H2AC7: variants seen among roughly 807,000 people sequenced by gnomAD.
H2AC7 encodes the protein H2A clustered histone 7.
In H2AC7, 15 loss-of-function variants were observed where a neutral mutation model predicts 8.3. The ratio of observed to expected loss-of-function variants is 1.81; its 90% CI spans 1.21 to 2.79. H2AC7 has a LOEUF of 2.79. H2AC7 is among the 30% of genes most tolerant of loss of function. The probability of loss-of-function intolerance (pLI) is 0.00; values close to 1 mark genes in which losing one functional copy is unlikely to be tolerated. For synonymous variants in H2AC7, 168 were observed against 80.1 expected (o/e 2.10, Z -5.86); for missense variants, 283 against 175.2 (o/e 1.62, Z -3.47).
chr6:26,199,181 C>T lies in H2AC7; in HGVS notation c.63G>A (p.Arg21=), dbSNP rs758098633. Residue 21 remains arginine, a synonymous_variant, in exon 1 of 1, where the codon CGG becomes CGA. Coordinates refer to ENST00000341023, the MANE Select transcript of H2AC7 (RefSeq NM_021065.3). ...ARAKAKTRSS[R]AGLQFPVGRV... is the part of the protein sequence containing the mutation. ...GGCCCACAGGGAACTGGAGTCCGGC[C>T]CGCGAAGAGCGGGTCTTAGCCTTAG... 6 of 1,613,948 alleles carry T rather than the reference C, an allele frequency of 3.7e-6. No homozygotes were observed. Among genetic ancestry groups the T allele is most frequent in the African/African-American group, 1.3e-5 (1 of 74,946 alleles).
At position 26,198,888 on chromosome 6, in the gene H2AC7, T is replaced by C. The variant is rs751780330; in HGVS notation, c.356A>G (p.Lys119Arg). Residue 119 changes from lysine to arginine, a missense_variant, in exon 1 of 1, where the codon AAG becomes AGG. By Grantham distance (26) the Lys-to-Arg change is conservative (BLOSUM62 2). Transcript: ENST00000341023. Reference protein sequence around the residue: ...LPNIQAVLLPKKTESHHKAKG... With the variant: ...LPNIQAVLLPRKTESHHKAKG... ...GGCCTTGTGGTGACTCTCAGTCTTC[T>C]TGGGGAGCAGTACAGCCTGGATGTT... is the stretch of plus-strand genomic sequence containing the variant. The C allele has an allele frequency of 4.3e-6, 7 of 1,614,246 alleles. No individual in the cohort carries two copies. In the South Asian group the frequency reaches 5.5e-5, roughly 13 times the overall value.
rs148962857 is a variant in H2AC7 at position 26,199,073 on chromosome 6, C to T, written c.171G>A (p.Glu57=). The change falls in exon 1 of 1, where the codon GAG becomes GAA. Residue 57 remains glutamate, a synonymous_variant. Transcript: ENST00000341023. The part of the protein sequence containing the change: ...GAPVYLAAVL[E]YLTAEILELA... Reference sequence around the variant, plus strand: ...GCTCCAGGATCTCGGCGGTCAGGTACTCCAACACCGCCGCCAGATACACTG... The same window carrying T: ...GCTCCAGGATCTCGGCGGTCAGGTATTCCAACACCGCCGCCAGATACACTG... The T allele has an allele frequency of 9.4e-5, 151 of 1,614,180 alleles. 1 individual carries two copies. Among genetic ancestry groups the T allele is most frequent in the Middle Eastern group, 3.3e-4 (2 of 6,062 alleles).
Position 26,198,889 on chromosome 6 carries a change from T to G in H2AC7, c.355A>C (p.Lys119Gln). ...LPNIQAVLLPKKTESHHKAKG... is the reference protein window; with the variant it reads ...LPNIQAVLLPQKTESHHKAKG... ...GCCTTGTGGTGACTCTCAGTCTTCT[T>G]GGGGAGCAGTACAGCCTGGATGTTG... Residue 119 changes from lysine (K) to glutamine (Q), a missense_variant, in exon 1 of 1, where the codon AAG becomes CAG. By Grantham distance (53) the Lys-to-Gln change is moderately conservative. Transcript: ENST00000341023. 1.2e-6 allele frequency: 2 copies of G among 1,614,208 alleles called. No individual in the cohort carries two copies. Among genetic ancestry groups the G allele is most frequent in the Non-Finnish European group, 8.5e-7 (1 of 1,180,028 alleles).
chr6:26,199,031 G>A lies in H2AC7; in HGVS notation c.213C>T (p.Ala71=). 1 of 1,614,148 alleles carries A rather than the reference G, an allele frequency of 6.2e-7. No individual in the cohort carries two copies. Among genetic ancestry groups the A allele is most frequent in the Non-Finnish European group, 8.5e-7 (1 of 1,180,024 alleles). ...AEILELAGNA[A]RDNKKTRIIP... is the part of the protein sequence containing the mutation. ...TGATGCGGGTCTTCTTGTTGTCGCG[G>A]GCGGCGTTGCCCGCCAGCTCCAGGA... The change falls in exon 1 of 1, where the codon GCC becomes GCT. Residue 71 remains alanine (A), a synonymous_variant. Coordinates refer to ENST00000341023, the MANE Select transcript of H2AC7 (RefSeq NM_021065.3).
At position 26,199,260 on chromosome 6, in the gene H2AC7, C is replaced by A. The variant is rs1319414294; in HGVS notation, c.-17G>T. 6.3e-7 allele frequency: 1 copy of A among 1,587,544 alleles called. No individual in the cohort carries two copies. Among genetic ancestry groups the A allele is most frequent in the Non-Finnish European group, 8.5e-7 (1 of 1,173,072 alleles). ...TCCGGACATTTTGAATTCTTAAAAACGATGTTAAGCAATGAAGACAAAAAT... is the reference window on the plus strand; with the variant it reads ...TCCGGACATTTTGAATTCTTAAAAAAGATGTTAAGCAATGAAGACAAAAAT... On this transcript the variant is annotated 5_prime_UTR_variant, in exon 1 of 1. Transcript: ENST00000341023.
rs776845667 is a variant in H2AC7, at chr6:26,199,229, G to T, written c.15C>A (p.Gly5=). The T allele has an allele frequency of 6.2e-7, 1 of 1,602,904 alleles. No homozygotes were observed. Among genetic ancestry groups the T allele is most frequent in the Non-Finnish European group, 8.5e-7 (1 of 1,177,140 alleles). MSGR[G]KQGGKARAKA... ...TAGCTCGGGCCTTTCCGCCTTGCTT[G>T]CCGCGTCCGGACATTTTGAATTCTT... Residue 5 remains glycine, a synonymous_variant, in exon 1 of 1, where the codon GGC becomes GGA. Coordinates refer to ENST00000341023, the MANE Select transcript of H2AC7 (RefSeq NM_021065.3).
At position 26,198,944 on chromosome 6, in the gene H2AC7, T is replaced by A. The variant is rs1477875361; in HGVS notation, c.300A>T (p.Lys100Asn). 6.2e-7 allele frequency: 1 copy of A among 1,614,238 alleles called. No homozygotes were observed. Among genetic ancestry groups the A allele is most frequent in the African/African-American group, 1.3e-5 (1 of 75,064 alleles). Residue 100 changes from lysine (K) to asparagine (N), a missense_variant, in exon 1 of 1, where the codon AAA (lysine) becomes AAT (asparagine). Coordinates refer to ENST00000341023, the MANE Select transcript of H2AC7 (RefSeq NM_021065.3). Reference protein sequence around the residue: ...NDEELNKLLGKVTIAQGGVLP... With the variant: ...NDEELNKLLGNVTIAQGGVLP... ...GAACACCGCCCTGAGCAATTGTGAC[T>A]TTACCCAGCAACTTGTTTAGCTCCT... is the stretch of plus-strand genomic sequence containing the variant.
Position 26,199,122 on chromosome 6 carries a change from G to A in H2AC7, c.122C>T (p.Ser41Phe), listed in dbSNP as rs769958944. 6.2e-7 allele frequency: 1 copy of A among 1,614,228 alleles called. No homozygotes were observed. The highest frequency in any genetic ancestry group is 1.1e-5 in the South Asian group (1 of 91,082). Residue 41 changes from serine (S) to phenylalanine (F), a missense_variant, in exon 1 of 1, where the codon TCC becomes TTC. Transcript: ENST00000341023. ...TGGCGCGCCGGCCCCGACTCGCTCG[G>A]AGTAGTTGCCCTTGCGGAGCAAGCG... ...VHRLLRKGNY[S>F]ERVGAGAPVY...
rs750001226 is a variant in H2AC7 at position 26,199,239 on chromosome 6, G to C, written c.5C>G (p.Ser2Cys). M[S>C]GRGKQGGKAR... ...CTTTCCGCCTTGCTTGCCGCGTCCG[G>C]ACATTTTGAATTCTTAAAAACGATG... The change falls in exon 1 of 1, where the codon TCC (serine) becomes TGC (cysteine). Residue 2 changes from serine to cysteine, a missense_variant. Coordinates refer to ENST00000341023, the MANE Select transcript of H2AC7 (RefSeq NM_021065.3). 7.5e-6 allele frequency: 12 copies of C among 1,594,644 alleles called. No homozygotes were observed. The African/African-American group carries it at 1.4e-4, about 18-fold the overall frequency.
rs377338811 is a variant in H2AC7 at position 26,198,986 on chromosome 6, C to A, written c.258G>T (p.Leu86=). Residue 86 remains leucine (L), a synonymous_variant, in exon 1 of 1, where the codon CTG becomes CTT. Coordinates refer to ENST00000341023, the MANE Select transcript of H2AC7 (RefSeq NM_021065.3). The part of the protein sequence containing the change: ...KTRIIPRHLQ[L]AIRNDEELNK... ...TTAGCTCCTCGTCGTTGCGGATGGC[C>A]AGCTGCAGGTGTCGGGGGATGATGC... The A allele has an allele frequency of 5.0e-6, 8 of 1,614,056 alleles. No individual in the cohort carries two copies. The highest frequency in any genetic ancestry group is 6.8e-6 in the Non-Finnish European group (8 of 1,180,052).
chr6:26,198,935 A>T lies in H2AC7; in HGVS notation c.309T>A (p.Ile103=). ...TGTTGGGCAGAACACCGCCCTGAGC[A>T]ATTGTGACTTTACCCAGCAACTTGT... ...ELNKLLGKVT[I]AQGGVLPNIQ... The change falls in exon 1 of 1, where the codon ATT becomes ATA. Residue 103 remains isoleucine, a synonymous_variant. Transcript: ENST00000341023. 1 of 1,614,188 alleles carries T rather than the reference A, an allele frequency of 6.2e-7. No individual in the cohort carries two copies. The highest frequency in any genetic ancestry group is 8.5e-7 in the Non-Finnish European group (1 of 1,180,038).
rs745708378 is a variant in H2AC7 at position 26,199,148 on chromosome 6, G to A, written c.96C>T (p.His32=). 2.4e-5 allele frequency: 38 copies of A among 1,614,088 alleles called. No individual in the cohort carries two copies. The African/African-American group carries it at 2.9e-4, about 12-fold the overall frequency. Residue 32 remains histidine (H), a synonymous_variant, in exon 1 of 1, where the codon CAC becomes CAT. Coordinates refer to ENST00000341023, the MANE Select transcript of H2AC7 (RefSeq NM_021065.3). ...AGTAGTTGCCCTTGCGGAGCAAGCG[G>A]TGTACGCGGCCCACAGGGAACTGGA... is the stretch of plus-strand genomic sequence containing the variant. The part of the protein sequence containing the change: ...AGLQFPVGRV[H]RLLRKGNYSE...
chr6:26,198,990 T>C lies in H2AC7; in HGVS notation c.254A>G (p.Gln85Arg). The C allele has an allele frequency of 6.2e-7, 1 of 1,614,244 alleles. No individual in the cohort carries two copies. The highest frequency in any genetic ancestry group is 8.5e-7 in the Non-Finnish European group (1 of 1,180,044). ...CTCCTCGTCGTTGCGGATGGCCAGC[T>C]GCAGGTGTCGGGGGATGATGCGGGT... ...KKTRIIPRHLQLAIRNDEELN... is the reference protein window; with the variant it reads ...KKTRIIPRHLRLAIRNDEELN... The change falls in exon 1 of 1, where the codon CAG (glutamine) becomes CGG (arginine). Residue 85 changes from glutamine to arginine, a missense_variant. By Grantham distance (43) the Gln-to-Arg change is conservative. Coordinates refer to ENST00000341023, the MANE Select transcript of H2AC7 (RefSeq NM_021065.3).
Position 26,199,053 on chromosome 6 carries a change from A to AG in H2AC7, c.190dup (p.Leu64ProfsTer37), listed in dbSNP as rs1765060219. On this transcript the variant is annotated frameshift_variant, in exon 1 of 1. Coordinates refer to ENST00000341023, the MANE Select transcript of H2AC7 (RefSeq NM_021065.3). LOFTEE classifies it high-confidence loss of function. ...GCGGGCGGCGTTGCCCGCCAGCTCC[A>AG]GGATCTCGGCGGTCAGGTACTCCAA... is the stretch of plus-strand genomic sequence containing the variant. 6.2e-7 allele frequency: 1 copy of AG among 1,613,976 alleles called. No homozygotes were observed. Among genetic ancestry groups the AG allele is most frequent in the African/African-American group, 1.3e-5 (1 of 74,894 alleles).
At position 26,198,899 on chromosome 6, in the gene H2AC7, T is replaced by C. The variant is rs1765053321; in HGVS notation, c.345A>G (p.Val115=). The change falls in exon 1 of 1, where the codon GTA becomes GTG. Residue 115 remains valine (V), a synonymous_variant. Coordinates refer to ENST00000341023, the MANE Select transcript of H2AC7 (RefSeq NM_021065.3). ...QGGVLPNIQA[V]LLPKKTESHH... ...GACTCTCAGTCTTCTTGGGGAGCAG[T>C]ACAGCCTGGATGTTGGGCAGAACAC... 6.2e-7 allele frequency: 1 copy of C among 1,614,136 alleles called. No individual in the cohort carries two copies. Among genetic ancestry groups the C allele is most frequent in the Non-Finnish European group, 8.5e-7 (1 of 1,180,042 alleles).
rs530347788 is a variant in H2AC7, at chr6:26,198,878, C to G, written c.366G>C (p.Glu122Asp). The G allele has an allele frequency of 6.2e-7, 1 of 1,614,178 alleles. No individual in the cohort carries two copies. Among genetic ancestry groups the G allele is most frequent in the African/African-American group, 1.3e-5 (1 of 75,058 alleles). The change falls in exon 1 of 1, where the codon GAG becomes GAC. Residue 122 changes from glutamate (E) to aspartate (D), a missense_variant. Coordinates refer to ENST00000341023, the MANE Select transcript of H2AC7 (RefSeq NM_021065.3). ...ACTTGCCCTTGGCCTTGTGGTGACT[C>G]TCAGTCTTCTTGGGGAGCAGTACAG... The part of the protein sequence containing the change: ...IQAVLLPKKT[E>D]SHHKAKGK
At position 26,198,941 on chromosome 6, in the gene H2AC7, G is replaced by A. The variant is rs1765054488; in HGVS notation, c.303C>T (p.Val101=). ...GCAGAACACCGCCCTGAGCAATTGT[G>A]ACTTTACCCAGCAACTTGTTTAGCT... The part of the protein sequence containing the change: ...DEELNKLLGK[V]TIAQGGVLPN... Residue 101 remains valine (V), a synonymous_variant, in exon 1 of 1, where the codon GTC becomes GTT. Coordinates refer to ENST00000341023, the MANE Select transcript of H2AC7 (RefSeq NM_021065.3). 3 of 1,614,238 alleles carry A rather than the reference G, an allele frequency of 1.9e-6. No individual in the cohort carries two copies. The highest frequency in any genetic ancestry group is 2.2e-5 in the East Asian group (1 of 44,882).
chr6:26,199,009 T>A lies in H2AC7; in HGVS notation c.235A>T (p.Ile79Phe). 1 of 1,614,164 alleles carries A rather than the reference T, an allele frequency of 6.2e-7. No individual in the cohort carries two copies. The highest frequency in any genetic ancestry group is 8.5e-7 in the Non-Finnish European group (1 of 1,180,024). Reference sequence around the variant, plus strand: ...GCCAGCTGCAGGTGTCGGGGGATGATGCGGGTCTTCTTGTTGTCGCGGGCG... The same window carrying A: ...GCCAGCTGCAGGTGTCGGGGGATGAAGCGGGTCTTCTTGTTGTCGCGGGCG... ...NAARDNKKTR[I>F]IPRHLQLAIR... The change falls in exon 1 of 1, where the codon ATC becomes TTC. Residue 79 changes from isoleucine to phenylalanine, a missense_variant. Transcript: ENST00000341023.
chr6:26,199,190 G>A lies in H2AC7; in HGVS notation c.54C>T (p.Arg18=), dbSNP rs745831703. 2.5e-6 allele frequency: 4 copies of A among 1,613,984 alleles called. No individual in the cohort carries two copies. Among genetic ancestry groups the A allele is most frequent in the East Asian group, 2.2e-5 (1 of 44,884 alleles). Residue 18 remains arginine, a synonymous_variant, in exon 1 of 1, where the codon CGC becomes CGT. Coordinates refer to ENST00000341023, the MANE Select transcript of H2AC7 (RefSeq NM_021065.3). The part of the protein sequence containing the change: ...GGKARAKAKT[R]SSRAGLQFPV... ...GGAACTGGAGTCCGGCCCGCGAAGA[G>A]CGGGTCTTAGCCTTAGCTCGGGCCT...
Sources: allele counts gnomAD v4.1 joint callset, GRCh38; gene constraint gnomAD v4.1.1; transcripts MANE v1.5; gene names NCBI Gene and HGNC (gene_info 2026-07-23, HGNC 2026-07-21).